Variants in FIRRM observed in about 807,000 individuals in gnomAD.
FIRRM encodes FIGNL1-interacting regulator of recombination and mitosis.
the FIRRM span, chr1:169,836,866 T>G: frequency 7.1e-6 from 9 of 1,258,992 alleles, no homozygotes; most frequent in African/African-American, 1.5e-5. Context: ...ACTTAGCTTT[T>G]GTGTATCCAT....
chr1:169,842,350 A>C, the FIRRM span: 111 of 1,526,020 alleles, frequency 7.3e-5, no homozygotes, highest in Non-Finnish European at 9.4e-5. Context: ...CCTCTAGTTA[A>C]GTCGGCTCTT....
At chr1:169,842,689 C>G in the FIRRM span, 7 of 829,642 alleles carry the variant, frequency 8.4e-6, no homozygotes, top group Non-Finnish European at 1.3e-5. Flanking sequence ...TACCTGTACT[C>G]TCTCACGCAG....
At chr1:169,787,074 G>A in the FIRRM span, among the ~76,000 whole-genome samples, 10,081 of 152,206 alleles carry the variant, frequency 0.066, 442 homozygotes, top group Middle Eastern at 0.1. Flanking sequence ...AGTGTAGCCA[G>A]GACGCACAGA....
At chr1:169,793,245 A>G in the FIRRM span, 2 of 1,614,146 alleles carry the variant, frequency 1.2e-6, no homozygotes, top group Non-Finnish European at 1.7e-6. Flanking sequence ...TGAGAAGAAA[A>G]GCTTTTTGAA....
the FIRRM span, among the ~76,000 whole-genome samples, chr1:169,811,303 A>G: frequency 6.6e-6 from 1 of 152,132 alleles, no homozygotes; most frequent in Non-Finnish European, 1.5e-5. Flanking sequence ...AACATATACT[A>G]TTGTATCTGT....
At chr1:169,843,552 A>G in the FIRRM span, 14 of 628,496 alleles carry the variant, frequency 2.2e-5, no homozygotes, top group African/African-American at 1.7e-4. Context: ...GGCATAAATG[A>G]GGTAATAAAT....
the FIRRM span, chr1:169,829,112 G>A: frequency 1.7e-6 from 1 of 583,524 alleles, no homozygotes; most frequent in Non-Finnish European, 2.7e-6. Context: ...CCTTTTATGT[G>A]TACATATTCA....
At chr1:169,840,170 T>G in the FIRRM span, among the ~76,000 whole-genome samples, 1 of 152,246 alleles carries the variant, frequency 6.6e-6, no homozygotes, top group Admixed American at 6.5e-5. Flanking sequence ...GCCTCTGGCC[T>G]TCTTCATTTT....
chr1:169,853,523 C>A, the FIRRM span: 3 of 593,524 alleles, frequency 5.1e-6, no homozygotes, highest in East Asian at 2.8e-5. Context: ...GTGAGCCTCA[C>A]CACCCAGGGC....
chr1:169,789,423 A>G, the FIRRM span, among the ~76,000 whole-genome samples: 9,885 of 152,330 alleles, frequency 0.065, 425 homozygotes, highest in Non-Finnish European at 0.099. Context: ...ATCACATTTG[A>G]CACAGAGAAG....
At chr1:169,819,538 T>C in the FIRRM span, among the ~76,000 whole-genome samples, 1 of 152,244 alleles carries the variant, frequency 6.6e-6, no homozygotes, top group African/African-American at 2.4e-5. Flanking sequence ...CTTTTAATTC[T>C]TGGGGTTCCA....
At chr1:169,817,100 A>G in the FIRRM span, among the ~76,000 whole-genome samples, 1 of 152,156 alleles carries the variant, frequency 6.6e-6, no homozygotes, top group Non-Finnish European at 1.5e-5. Flanking sequence ...ACAAAGAATC[A>G]GCAACATTTT....
At chr1:169,823,459 C>T in the FIRRM span, 3 of 1,600,838 alleles carry the variant, frequency 1.9e-6, no homozygotes, top group Non-Finnish European at 2.6e-6. Context: ...CCAACTGTAT[C>T]TTCAGATACA....
At chr1:169,823,698 TTAG>T in the FIRRM span, among the ~76,000 whole-genome samples, 31 of 150,060 alleles carry the variant, frequency 2.1e-4, no homozygotes, top group Non-Finnish European at 4.0e-4. Flanking sequence ...GGAGTAATAA[TTAG>T]TAGGTGATAA....
At chr1:169,790,172 A>C in the FIRRM span, among the ~76,000 whole-genome samples, 1 of 150,252 alleles carries the variant, frequency 6.7e-6, no homozygotes, top group African/African-American at 2.4e-5. Context: ...CCCCACATTT[A>C]TCTTTTTTTT....
At chr1:169,823,366 C>G in the FIRRM span, 10 of 1,247,540 alleles carry the variant, frequency 8.0e-6, no homozygotes, top group Admixed American at 1.9e-4. Flanking sequence ...ACTAAAGAGA[C>G]ATATTTTTAT....
the FIRRM span, chr1:169,851,676 A>C: frequency 1.1e-6 from 1 of 889,150 alleles, no homozygotes; most frequent in East Asian, 2.5e-5. Flanking sequence ...TTATACTAAG[A>C]GTATTTATAG....
chr1:169,848,956 A>G, the FIRRM span, among the ~76,000 whole-genome samples: 1 of 152,228 alleles, frequency 6.6e-6, no homozygotes, highest in Non-Finnish European at 1.5e-5. Flanking sequence ...TGCTGTACCC[A>G]GTGCTGTTTT....
the FIRRM span, among the ~76,000 whole-genome samples, chr1:169,835,259 T>C: frequency 1.3e-5 from 2 of 152,182 alleles, no homozygotes; most frequent in Admixed American, 1.3e-4. Flanking sequence ...AAGGTGTCTA[T>C]GATGCTAATT....
Sources: allele counts gnomAD v4.1 joint callset (sites outside exome capture counted in the v4.1 genomes callset), GRCh38; gene constraint gnomAD v4.1.1; transcripts MANE v1.5; gene names NCBI Gene and HGNC (gene_info 2026-07-23, HGNC 2026-07-21).